The following BAZ1B variants were observed in gnomAD, a reference collection of about 807,000 sequenced individuals.
BAZ1B encodes bromodomain adjacent to zinc finger domain 1B, also known as tyrosine-protein kinase BAZ1B.
In BAZ1B, 22 loss-of-function variants were observed where a neutral mutation model predicts 153.8. The ratio of observed to expected loss-of-function variants is 0.14; its 90% CI spans 0.10 to 0.20. The LOEUF is 0.20. Ranked by LOEUF, BAZ1B falls within the 10% of genes least tolerant of loss-of-function variation. The pLI is 1.00. For synonymous variants in BAZ1B, 676 were observed against 633.4 expected (o/e 1.07, Z -1.01); for missense variants, 1,325 against 1,799.3 (o/e 0.74, Z 4.77).
chr7:73,463,428 T>C (rs1788465384), intron 11 of BAZ1B, among the ~76,000 whole-genome samples: 1 of 151,632 alleles, frequency 6.6e-6, no homozygotes, highest in Non-Finnish European at 1.5e-5. Context: ...TTTGTAGGGA[T>C]GGGGTCTTGC....
chr7:73,506,869 A>C (rs1790365354), intron 3 of BAZ1B, among the ~76,000 whole-genome samples: 2 of 147,828 alleles, frequency 1.4e-5, no homozygotes. Flanking sequence ...AAAAAAAAAA[A>C]AGTCTTAAAG....
chr7:73,504,950 A>C (rs1177657799), intron 3 of BAZ1B, among the ~76,000 whole-genome samples: 5 of 152,182 alleles, frequency 3.3e-5, no homozygotes, highest in African/African-American at 4.8e-5. Flanking sequence ...AAGAACAAGA[A>C]CTTTGAAACC....
chr7:73,481,046 C>G (rs1789178338), intron 6 of BAZ1B, among the ~76,000 whole-genome samples: 1 of 152,120 alleles, frequency 6.6e-6, no homozygotes, highest in South Asian at 2.1e-4. Flanking sequence ...CCTGCCTCAG[C>G]CTCCCAAGTA....
chr7:73,508,238 G>C lies in BAZ1B; in HGVS notation c.369+89C>G, dbSNP rs373225088. The C allele has an allele frequency of 7.0e-5, 96 of 1,366,142 alleles. 2 individuals carry two copies. Among genetic ancestry groups the C allele is most frequent in the East Asian group, 6.0e-4 (26 of 43,168 alleles). The allele number at this position is 1,366,142 out of a possible 1,614,324, so 84.6% of individuals were successfully genotyped here. Reference sequence around the variant, plus strand: ...TAAATATAATACTAAATATAACACAGTTTTACACACATAGAAATGTGTTCT... The same window carrying C: ...TAAATATAATACTAAATATAACACACTTTTACACACATAGAAATGTGTTCT... On this transcript the variant is annotated intron_variant, in intron 3 of 19. Transcript: ENST00000339594.
At chr7:73,490,886 T>C (rs868911733) in intron 5 of BAZ1B, among the ~76,000 whole-genome samples, 3 of 151,566 alleles carry the variant, frequency 2.0e-5, no homozygotes, top group Non-Finnish European at 4.4e-5. Flanking sequence ...ATTACAGGCA[T>C]GAGCCACCGT....
Position 73,477,496 on chromosome 7 carries a change from C to T in BAZ1B, c.1965G>A (p.Leu655=). 4 of 1,614,154 alleles carry T rather than the reference C, an allele frequency of 2.5e-6. No individual in the cohort carries two copies. The highest frequency in any genetic ancestry group is 4.5e-5 in the East Asian group (2 of 44,882). The change falls in exon 7 of 20, where the codon TTG becomes TTA. Residue 655 remains leucine (L), a synonymous_variant. Transcript: ENST00000339594. This position sits in a 1 kb window ranked among gnomAD's most constrained non-coding sequence, Gnocchi z 5.6. The stretch of plus-strand genomic sequence containing the variant: ...GTAGGAGGGTCTGTAAGAGGATGAC[C>T]AACACCCTGTTAAGGTATAAAAAGC... The part of the protein sequence containing the change: ...KGGFLYLNRV[L]VILLQTLLQD...
At chr7:73,469,035 TAGG>T (rs1173509867) in intron 9 of BAZ1B, among the ~76,000 whole-genome samples, 16 of 149,296 alleles carry the variant, frequency 1.1e-4, no homozygotes, top group African/African-American at 3.7e-4. Context: ...GAGACTGAAG[TAGG>T]AGAAGTGTTT....
chr7:73,496,913 A>G (rs1346251033), intron 4 of BAZ1B, among the ~76,000 whole-genome samples: 1 of 151,960 alleles, frequency 6.6e-6, no homozygotes, highest in Non-Finnish European at 1.5e-5. Flanking sequence ...AAGGAGGTCC[A>G]GGCTGCACTA....
At chr7:73,444,973 C>T (rs1787775448) in intron 16 of BAZ1B, among the ~76,000 whole-genome samples, 1 of 152,064 alleles carries the variant, frequency 6.6e-6, no homozygotes, top group Non-Finnish European at 1.5e-5. Flanking sequence ...GAGATCACGC[C>T]ACTGCACTCC....
At chr7:73,490,979 T>A (rs551854343) in intron 5 of BAZ1B, among the ~76,000 whole-genome samples, 23 of 151,338 alleles carry the variant, frequency 1.5e-4, no homozygotes, top group Admixed American at 1.5e-3. Flanking sequence ...TTTAACAATA[T>A]CCAATATTCA....
At chr7:73,469,454 G>A (rs1788713530) in intron 9 of BAZ1B, 63 bp downstream of exon 9, 7 of 1,581,262 alleles carry the variant, frequency 4.4e-6, no homozygotes, top group Non-Finnish European at 6.1e-6. Flanking sequence ...AGGAAAAGCA[G>A]TCCTTAATGT....
rs1211636502 is a variant in BAZ1B at position 73,450,116 on chromosome 7, C to T, written c.3581-427G>A. ...AGGCTGGAGTGCAGTGGCGCGATCT[C>T]GGCTCACTGCAACCTCCGCCTCCCG... On this transcript the variant is annotated intron_variant, in intron 14 of 19. Coordinates refer to ENST00000339594, the MANE Select transcript of BAZ1B (RefSeq NM_032408.4). The surrounding 1 kb of genome is among the most constrained non-coding windows in gnomAD (Gnocchi z 4.1). Among the ~76,000 whole-genome samples the T allele has an allele frequency of 5.3e-5, 8 of 151,688 alleles. No homozygotes were observed. Among genetic ancestry groups the T allele is most frequent in the Non-Finnish European group, 2.9e-5 (2 of 67,946 alleles).
chr7:73,477,552 G>A lies in BAZ1B; in HGVS notation c.1909C>T (p.Leu637Phe). The change falls in exon 7 of 20, where the codon CTT (leucine) becomes TTT (phenylalanine). Residue 637 changes from leucine (L) to phenylalanine (F), a missense_variant. Physicochemically the swap from Leu to Phe is conservative, Grantham distance 22. Coordinates refer to ENST00000339594, the MANE Select transcript of BAZ1B (RefSeq NM_032408.4). This position sits in a 1 kb window ranked among gnomAD's most constrained non-coding sequence, Gnocchi z 5.6. ...DAQYPITAVS[L>F]MEALSADKGG... is the part of the protein sequence containing the mutation. Reference sequence around the variant, plus strand: ...TTATCTGCACTCAAGGCTTCCATAAGGGACACAGCAGTAATAGGATACTGA... The same window carrying A: ...TTATCTGCACTCAAGGCTTCCATAAAGGACACAGCAGTAATAGGATACTGA... 1.9e-6 allele frequency: 3 copies of A among 1,614,176 alleles called. No homozygotes were observed. The highest frequency in any genetic ancestry group is 3.3e-4 in the Middle Eastern group (2 of 6,062).
intron 1 of BAZ1B, among the ~76,000 whole-genome samples, chr7:73,517,998 T>C (rs190802584): frequency 6.6e-6 from 1 of 152,318 alleles, no homozygotes; most frequent in East Asian, 1.9e-4. Flanking sequence ...AACTCAAGAT[T>C]TGCTTTTTAC....
Position 73,442,818 on chromosome 7 carries a change from G to T in BAZ1B, c.4001C>A (p.Thr1334Asn), listed in dbSNP as rs140686642. ...DAEVDELVLQ[T>N]KRSSRRQSLE... ...GCTTTGCCTCCGGGAGCTCCGCTTG[G>T]TCTGAAGCACCTGGCAGGAAAGAAA... Residue 1334 changes from threonine (T) to asparagine (N), a missense_variant, in exon 18 of 20, where the codon ACC becomes AAC. By Grantham distance (65) the Thr-to-Asn change is moderately conservative (BLOSUM62 0). Coordinates refer to ENST00000339594, the MANE Select transcript of BAZ1B (RefSeq NM_032408.4). The T allele has an allele frequency of 6.2e-7, 1 of 1,613,170 alleles. No individual in the cohort carries two copies. The highest frequency in any genetic ancestry group is 1.1e-5 in the South Asian group (1 of 91,062).
chr7:73,483,670 C>T (rs574553519), intron 6 of BAZ1B, among the ~76,000 whole-genome samples: 1 of 152,064 alleles, frequency 6.6e-6, no homozygotes, highest in Admixed American at 6.6e-5. Flanking sequence ...CAGGGTCTCA[C>T]TCTGTCTGTC....
In BAZ1B at chr7:73,462,887, T is replaced by C; in HGVS notation, c.3249+35A>G. Reference sequence around the variant, plus strand: ...GGAAGAACTTCAGATTGAGTTGCCATGAGTAATCTAAGGGGGATTTTCTTA... The same window carrying C: ...GGAAGAACTTCAGATTGAGTTGCCACGAGTAATCTAAGGGGGATTTTCTTA... On this transcript the variant is annotated intron_variant, in intron 12 of 19. Transcript: ENST00000339594. The C allele has an allele frequency of 3.7e-6, 6 of 1,605,204 alleles. No homozygotes were observed. In the Middle Eastern group the frequency reaches 6.6e-4, roughly 177 times the overall value.
At chr7:73,442,677 AC>A in intron 18 of BAZ1B, 47 bp downstream of exon 18, 1 of 1,581,318 alleles carries the variant, frequency 6.3e-7, no homozygotes, top group South Asian at 1.1e-5. Flanking sequence ...AGCTTTTAGA[AC>A]CAGCCAGGCC....
intron 7 of BAZ1B, among the ~76,000 whole-genome samples, chr7:73,473,678 T>C (rs1256219316): frequency 6.6e-6 from 1 of 152,208 alleles, no homozygotes. Context: ...AAAAGGAATA[T>C]ACATTTTCTA....
Sources: allele counts gnomAD v4.1 joint callset (sites outside exome capture counted in the v4.1 genomes callset), GRCh38; gene constraint gnomAD v4.1.1; non-coding constraint Gnocchi (gnomAD v3.1); transcripts MANE v1.5; gene names NCBI Gene and HGNC (gene_info 2026-07-23, HGNC 2026-07-21).